The following TIAM2 variants were observed in gnomAD, a reference collection of about 807,000 sequenced individuals.
TIAM2 encodes rho guanine nucleotide exchange factor TIAM2.
TIAM2 carries 80 observed loss-of-function variants against 152.9 expected under a neutral mutation model. The observed-to-expected ratio is 0.52, with a 90% CI of 0.44 to 0.63. The LOEUF is 0.63. Ranked by LOEUF, TIAM2 falls within the 30% of genes least tolerant of loss-of-function variation. The pLI is 0.00. For synonymous variants in TIAM2, 804 were observed against 838.0 expected, an observed-to-expected ratio of 0.96 and a Z score of 0.70; for missense variants, 1,965 against 2,120.1, an observed-to-expected ratio of 0.93 and a Z score of 1.44.
At chr6:155,138,290 TCACATTCCGTA>T (rs1349679567) in intron 5 of TIAM2, among the ~76,000 whole-genome samples, 2 of 152,230 alleles carry the variant, frequency 1.3e-5, no homozygotes, top group Non-Finnish European at 2.9e-5. Flanking sequence ...CTTCTGAATT[TCACATTCCGTA>T]CATGTTCAGA....
rs1271206566 is a variant in TIAM2, at chr6:155,218,781, C to G, written c.3168+7474C>G. Among the ~76,000 whole-genome samples the G allele has an allele frequency of 2.0e-5, 3 of 152,140 alleles. No individual in the cohort carries two copies. The highest frequency in any genetic ancestry group is 7.2e-5 in the African/African-American group (3 of 41,434). On this transcript the variant is annotated intron_variant, in intron 15 of 26. Coordinates refer to ENST00000682666, the MANE Select transcript of TIAM2 (RefSeq NM_012454.4). This position sits in a 1 kb window ranked among gnomAD's most constrained non-coding sequence, Gnocchi z 4.5. Reference sequence around the variant, plus strand: ...CAATAAAATGCTGTTGAAAGTAAGACGTGCATGCTTTGACCATCTCAGCTG... The same window carrying G: ...CAATAAAATGCTGTTGAAAGTAAGAGGTGCATGCTTTGACCATCTCAGCTG...
intron 1 of TIAM2, among the ~76,000 whole-genome samples, chr6:155,083,367 A>AAAAG (rs1554228972): frequency 6.5e-4 from 78 of 119,270 alleles, no homozygotes; most frequent in Admixed American, 1.9e-3. Flanking sequence ...AAAAAAAAAA[A>AAAAG]AGAGAGAGAG....
chr6:155,002,922 G>A (rs1284692385), intron 1 of TIAM2, among the ~76,000 whole-genome samples: 1 of 151,772 alleles, frequency 6.6e-6, no homozygotes, highest in Non-Finnish European at 1.5e-5. Flanking sequence ...TCGAACTCTT[G>A]ACCTCAGGTG....
chr6:155,004,515 C>G (rs1457492801), intron 1 of TIAM2, among the ~76,000 whole-genome samples: 4 of 152,024 alleles, frequency 2.6e-5, no homozygotes, highest in Non-Finnish European at 4.4e-5. Context: ...CTCAGCCTCC[C>G]GAGTAGCTGG....
chr6:155,173,233 A>C (rs1780678080), intron 9 of TIAM2, among the ~76,000 whole-genome samples: 1 of 151,124 alleles, frequency 6.6e-6, no homozygotes, highest in Non-Finnish European at 1.5e-5. Flanking sequence ...CACACACCAA[A>C]AATTACATTT....
At chr6:155,181,428 AT>A (rs1238711169) in intron 12 of TIAM2, among the ~76,000 whole-genome samples, 4 of 152,248 alleles carry the variant, frequency 2.6e-5, no homozygotes, top group South Asian at 2.1e-4. Flanking sequence ...CAGTGAGAGT[AT>A]TTTTTTGCTG....
At chr6:154,998,907 G>A (rs1778266385) in intron 1 of TIAM2, among the ~76,000 whole-genome samples, 1 of 152,156 alleles carries the variant, frequency 6.6e-6, no homozygotes, top group African/African-American at 2.4e-5. Flanking sequence ...AATCTTGAAA[G>A]TATAGGCTTA....
chr6:155,252,133 C>G, intron 23 of TIAM2, 130 bp downstream of exon 23: 1 of 671,234 alleles, frequency 1.5e-6, no homozygotes, highest in East Asian at 2.8e-5. Context: ...GGGTAACTAA[C>G]CCCATCACAT....
At chr6:155,145,003 A>G (rs1779790318) in intron 6 of TIAM2, among the ~76,000 whole-genome samples, 1 of 152,320 alleles carries the variant, frequency 6.6e-6, no homozygotes, top group Middle Eastern at 3.4e-3. Flanking sequence ...CTGAAGTCCC[A>G]GGCTGTGGCC....
rs57280691 is a variant in TIAM2, at chr6:154,997,629, A to ATTTT, written c.-209+2163_-209+2166dup. Among the ~76,000 whole-genome samples the ATTTT allele has an allele frequency of 1.0e-3, 63 of 62,108 alleles. 6 individuals are homozygous for ATTTT. Among genetic ancestry groups the ATTTT allele is most frequent in the African/African-American group, 2.0e-3 (29 of 14,650 alleles). The allele number at this position is 62,108 out of a possible 152,430, so 40.7% of individuals were successfully genotyped here. ...CCGTGAACGAGTGAAGAAAGAATGG[A>ATTTT]TTTTTTTTTTTTTTTTTTTTTTTTT... On this transcript the variant is annotated intron_variant, in intron 1 of 26. Transcript: ENST00000682666.
At chr6:155,233,612 C>T (rs1311705645) in intron 15 of TIAM2, among the ~76,000 whole-genome samples, 2 of 152,168 alleles carry the variant, frequency 1.3e-5, no homozygotes, top group African/African-American at 4.8e-5. Context: ...GTGGGATGCT[C>T]CTCATCTATA....
intron 9 of TIAM2, among the ~76,000 whole-genome samples, chr6:155,172,665 TATATATATATATATATATA>T (rs1780629616): frequency 2.5e-4 from 2 of 8,054 alleles, no homozygotes; most frequent in African/African-American, 4.7e-4. Flanking sequence ...TATATATATA[TATATATATATATATATATA>T]TATTTTTTTT....
intron 15 of TIAM2, among the ~76,000 whole-genome samples, chr6:155,229,439 G>A (rs1445831564): frequency 6.6e-6 from 1 of 152,232 alleles, no homozygotes; most frequent in Non-Finnish European, 1.5e-5. Flanking sequence ...TTTTTACACT[G>A]AATGCTCTTG....
intron 1 of TIAM2, among the ~76,000 whole-genome samples, chr6:155,087,975 A>C (rs1057418755): frequency 3.6e-4 from 55 of 152,046 alleles, no homozygotes; most frequent in African/African-American, 1.2e-3. Context: ...GGTCCATCCC[A>C]ATCCTGATAT....
At position 155,229,016 on chromosome 6, in the gene TIAM2, G is replaced by C. The variant is rs141068542; in HGVS notation, c.3169-11514G>C. ...ACATGCTCTCTGCCTTCTCAGGAAAGTATGTCCGCATTTCCTCCAGACAGC... is the reference window on the plus strand; with the variant it reads ...ACATGCTCTCTGCCTTCTCAGGAAACTATGTCCGCATTTCCTCCAGACAGC... On this transcript the variant is annotated intron_variant, in intron 15 of 26. Coordinates refer to ENST00000682666, the MANE Select transcript of TIAM2 (RefSeq NM_012454.4). 2.0e-5 allele frequency among the ~76,000 whole-genome samples: 3 copies of C among 152,354 alleles called. No homozygotes were observed. The East Asian group carries it at 5.8e-4, about 29-fold the overall frequency.
chr6:155,070,895 G>A (rs186906331), intron 1 of TIAM2, among the ~76,000 whole-genome samples: 34 of 152,246 alleles, frequency 2.2e-4, no homozygotes, highest in Admixed American at 1.9e-3. Flanking sequence ...TTTTAGGGGA[G>A]GCATGGTAGC....
At position 155,071,671 on chromosome 6, in the gene TIAM2, G is replaced by C. The variant is rs570142562; in HGVS notation, c.-208-18618G>C. Among the ~76,000 whole-genome samples, 143 of 152,204 alleles carry C rather than the reference G, an allele frequency of 9.4e-4. 1 individual carries two copies. The highest frequency in any genetic ancestry group is 3.2e-3 in the African/African-American group (134 of 41,540). ...TGTAATCCGAGCACTTTCAGAGGCC[G>C]ATCACCTGAGGTCAGGAGTTCAAGA... On this transcript the variant is annotated intron_variant, in intron 1 of 26. Transcript: ENST00000682666.
At chr6:155,113,740 G>A (rs1049588007) in intron 2 of TIAM2, among the ~76,000 whole-genome samples, 6 of 151,744 alleles carry the variant, frequency 4.0e-5, no homozygotes, top group Non-Finnish European at 8.8e-5. Flanking sequence ...ATTTATTTTC[G>A]TTGTTTATTG....
chr6:155,068,602 G>GCAC (rs1554228060), intron 1 of TIAM2, among the ~76,000 whole-genome samples: 2 of 143,260 alleles, frequency 1.4e-5, no homozygotes, highest in Non-Finnish European at 3.1e-5. Context: ...ACAGGCACCC[G>GCAC]CCCCCCCATC....
Sources: gnomAD v4.1 joint callset for allele counts (sites outside exome capture counted in the v4.1 genomes callset) on GRCh38, gnomAD v4.1.1 for gene constraint, Gnocchi (gnomAD v3.1) non-coding constraint, MANE v1.5 for transcripts, NCBI Gene and HGNC (gene_info 2026-07-23, HGNC 2026-07-21) for gene names.